Variants in UTRN observed in about 807,000 individuals in gnomAD.
UTRN encodes utrophin, also known as dystrophin-related protein 1.
UTRN carries 283 observed loss-of-function variants against 463.9 expected under a neutral mutation model. The observed-to-expected ratio is 0.61, with a 90% confidence interval of 0.55 to 0.67. UTRN has a LOEUF of 0.67. Ranked by LOEUF, UTRN falls within the 30% of genes least tolerant of loss-of-function variation. The pLI, the probability that UTRN is intolerant of heterozygous loss-of-function variation, is 0.00. For missense variants in UTRN, 3,922 were observed against 4,084.3 expected, an observed-to-expected ratio of 0.96 and a Z score of 1.08; for synonymous variants, 1,442 against 1,431.5, an observed-to-expected ratio of 1.01 and a Z score of -0.17.
At chr6:144,410,137 A>G (rs897490329) in intron 3 of UTRN, among the ~76,000 whole-genome samples, 3 of 152,184 alleles carry the variant, frequency 2.0e-5, no homozygotes, top group Non-Finnish European at 2.9e-5. Flanking sequence ...TTAAGGAGAC[A>G]CCCTAAGGGA....
At chr6:144,496,417 C>T (rs548003517) in intron 33 of UTRN, among the ~76,000 whole-genome samples, 1 of 152,202 alleles carries the variant, frequency 6.6e-6, no homozygotes, top group Admixed American at 6.5e-5. Context: ...GAACACACAC[C>T]TTAGAGCTTC....
intron 58 of UTRN, among the ~76,000 whole-genome samples, chr6:144,768,448 G>T (rs1399156412): frequency 1.3e-5 from 2 of 152,078 alleles, no homozygotes; most frequent in African/African-American, 4.8e-5. Context: ...GATTTATACT[G>T]CTTGAAGGAT....
intron 51 of UTRN, among the ~76,000 whole-genome samples, chr6:144,591,186 G>A (rs1003650614): frequency 6.6e-6 from 1 of 152,094 alleles, no homozygotes; most frequent in Non-Finnish European, 1.5e-5. Context: ...GTCGCCCAGA[G>A]AATTTTTCCA....
chr6:144,435,711 G>C (rs933386930), intron 9 of UTRN, among the ~76,000 whole-genome samples: 1 of 152,144 alleles, frequency 6.6e-6, no homozygotes, highest in Non-Finnish European at 1.5e-5. Flanking sequence ...ATCTCCTTGA[G>C]TACAGAATTC....
intron 2 of UTRN, among the ~76,000 whole-genome samples, chr6:144,333,989 G>A (rs868443372): frequency 1.3e-5 from 2 of 152,092 alleles, no homozygotes; most frequent in African/African-American, 2.4e-5. Flanking sequence ...ATTGATGATC[G>A]ATGCTAAGAT....
intron 73 of UTRN, among the ~76,000 whole-genome samples, chr6:144,845,298 T>G (rs1781923188): frequency 6.6e-6 from 1 of 152,242 alleles, no homozygotes; most frequent in Non-Finnish European, 1.5e-5. Context: ...TATAAATTTT[T>G]TTTGTCCATT....
At chr6:144,656,586 T>C (rs1779334163) in intron 51 of UTRN, among the ~76,000 whole-genome samples, 1 of 152,174 alleles carries the variant, frequency 6.6e-6, no homozygotes, top group Non-Finnish European at 1.5e-5. Context: ...TAATGGAAAG[T>C]ACACTTTATC....
intron 33 of UTRN, among the ~76,000 whole-genome samples, chr6:144,498,151 G>A (rs866359960): frequency 6.6e-6 from 1 of 152,244 alleles, no homozygotes; most frequent in South Asian, 2.1e-4. Context: ...TGCCATTGGG[G>A]TCATTATTGA....
At chr6:144,429,869 A>G (rs1415949251) in intron 9 of UTRN, 128 bp downstream of exon 9, 4 of 972,626 alleles carry the variant, frequency 4.1e-6, no homozygotes, top group African/African-American at 1.7e-5. Flanking sequence ...TTACATTTGC[A>G]TAAGAAGTTC....
At chr6:144,324,081 G>C (rs1427890698) in intron 2 of UTRN, among the ~76,000 whole-genome samples, 1 of 152,186 alleles carries the variant, frequency 6.6e-6, no homozygotes, top group Non-Finnish European at 1.5e-5. Context: ...GTCAGAGAAA[G>C]CTGAGCATTT....
At chr6:144,597,541 A>G (rs1266083540) in intron 51 of UTRN, among the ~76,000 whole-genome samples, 5 of 152,204 alleles carry the variant, frequency 3.3e-5, no homozygotes, top group Non-Finnish European at 1.5e-5. Context: ...GTGTAACCTT[A>G]TTTAACAAGG....
chr6:144,753,700 CAA>C (rs559496930), intron 56 of UTRN, among the ~76,000 whole-genome samples: 16 of 107,442 alleles, frequency 1.5e-4, no homozygotes, highest in Admixed American at 1.9e-4. Context: ...TTGTCTCTAC[CAA>C]AAAAAAAAAA....
At chr6:144,739,453 C>T (rs181105920) in intron 54 of UTRN, among the ~76,000 whole-genome samples, 1 of 152,264 alleles carries the variant, frequency 6.6e-6, no homozygotes, top group African/African-American at 2.4e-5. Flanking sequence ...GGACAAATTA[C>T]ACATTAGTTA....
intron 66 of UTRN, among the ~76,000 whole-genome samples, chr6:144,825,034 T>A (rs1780056136): frequency 6.6e-6 from 1 of 152,064 alleles, no homozygotes; most frequent in South Asian, 2.1e-4. Context: ...TCCTCCCGCC[T>A]CAGCCTCCCA....
chr6:144,339,404 C>T (rs1776966084), intron 2 of UTRN, among the ~76,000 whole-genome samples: 1 of 151,856 alleles, frequency 6.6e-6, no homozygotes, highest in South Asian at 2.1e-4. Context: ...AAAAAGGGGG[C>T]AATTGCAGAA....
rs1554421953 is a variant in UTRN at position 144,851,826 on chromosome 6, ATT to A, written c.*830_*831del. 1.3e-4 allele frequency: 20 copies of A among 152,222 alleles called. No homozygotes were observed. Among genetic ancestry groups the A allele is most frequent in the Non-Finnish European group, 2.8e-4 (19 of 68,040 alleles). The allele number at this position is 152,222 out of a possible 1,614,324, so 9.4% of individuals were successfully genotyped here. A position where few individuals can be genotyped will look rare whatever the true frequency, so the allele number is the denominator to read the frequency against. On this transcript the variant is annotated 3_prime_UTR_variant, in exon 75 of 75. Transcript: ENST00000367545. ...TAATCTATTTGATAAAGAAGACTAC[ATT>A]ATAATAATCTCAAAGATCATATTAC...
chr6:144,298,814 A>G (rs1035387409), intron 2 of UTRN, among the ~76,000 whole-genome samples: 7 of 152,204 alleles, frequency 4.6e-5, no homozygotes, highest in Non-Finnish European at 8.8e-5. Context: ...AATCCAATAA[A>G]AAATATGACT....
Position 144,448,642 on chromosome 6 carries a change from C to A in UTRN, c.1945C>A (p.Gln649Lys). ...VAKLGMSQIP[Q>K]KDLLETVRVR... ...AAAGCTGGGGATGTCTCAGATTCCT[C>A]AGAAGGACCTTTTGGAGACTGTTCG... Residue 649 changes from glutamine (Q) to lysine (K), a missense_variant, in exon 17 of 75, where the codon CAG (glutamine) becomes AAG (lysine). Gln to Lys is a moderately conservative substitution (Grantham distance 53). Transcript: ENST00000367545. 1.2e-6 allele frequency: 2 copies of A among 1,613,942 alleles called. No individual in the cohort carries two copies. Among genetic ancestry groups the A allele is most frequent in the Non-Finnish European group, 1.7e-6 (2 of 1,179,932 alleles).
At position 144,488,813 on chromosome 6, in the gene UTRN, C is replaced by T. The variant is rs774852905; in HGVS notation, c.4113C>T (p.Phe1371=). ...ACCTGACTGACAGGATAGATGCTTT[C>T]CAAGTTCCACAGGAAGCTCAGGTAT... The part of the protein sequence containing the change: ...TTYLTDRIDA[F]QVPQEAQKIQ... The change falls in exon 30 of 75, where the codon TTC becomes TTT. Residue 1371 remains phenylalanine, a synonymous_variant. Transcript: ENST00000367545. The T allele has an allele frequency of 6.3e-7, 1 of 1,596,992 alleles. No individual in the cohort carries two copies. The highest frequency in any genetic ancestry group is 1.1e-5 in the South Asian group (1 of 88,180).
Sources: allele counts gnomAD v4.1 joint callset (sites outside exome capture counted in the v4.1 genomes callset), GRCh38; gene constraint gnomAD v4.1.1; transcripts MANE v1.5; gene names NCBI Gene and HGNC (gene_info 2026-07-23, HGNC 2026-07-21).